ZNF91: variants seen among roughly 807,000 people sequenced by gnomAD.
ZNF91 encodes zinc finger protein 91 (HPF7, HTF10).
A neutral mutation model predicts 12.6 loss-of-function variants in ZNF91; 7 were observed. That is an observed-to-expected ratio of 0.55 (90% CI 0.31 to 1.04). ZNF91 has a LOEUF of 1.04. Ranked by LOEUF, ZNF91 falls within the 50% of genes least tolerant of loss-of-function variation. The pLI is 0.05. For synonymous variants in ZNF91, 453 were observed against 462.6 expected, an observed-to-expected ratio of 0.98 and a Z score of 0.27; for missense variants, 1,217 against 1,385.4, an observed-to-expected ratio of 0.88 and a Z score of 1.93.
intron 1 of ZNF91, among the ~76,000 whole-genome samples, chr19:23,316,668 C>T (rs1048111461): frequency 5.3e-5 from 8 of 152,288 alleles, no homozygotes; most frequent in East Asian, 1.9e-4. Context: ...GTTGCAATAA[C>T]GACTCTCATG....
upstream of ZNF91, among the ~76,000 whole-genome samples, chr19:23,312,815 C>T (rs963066274): frequency 6.6e-6 from 1 of 152,162 alleles, no homozygotes; most frequent in African/African-American, 2.4e-5. Flanking sequence ...TAGGGTGATA[C>T]ATAGGTGAGA....
intron 1 of ZNF91, chr19:23,380,304 A>G: frequency 7.3e-6 from 1 of 136,642 alleles, no homozygotes; most frequent in African/African-American, 2.7e-5. Context: ...AAAAAAAAAG[A>G]GTGAAGCTTG....
intron 1 of ZNF91, among the ~76,000 whole-genome samples, chr19:23,383,610 C>T (rs978147827): frequency 2.6e-5 from 4 of 152,096 alleles, no homozygotes; most frequent in African/African-American, 9.6e-5. Context: ...ATCGCTTGAA[C>T]CCAGAAGGCA....
chr19:23,376,485 G>T (rs1396395480), intron 1 of ZNF91, among the ~76,000 whole-genome samples: 3 of 151,822 alleles, frequency 2.0e-5, no homozygotes, highest in Non-Finnish European at 2.9e-5. Context: ...TGCCTCCCGG[G>T]TTCAAGCAAT....
At chr19:23,305,690 T>C (rs1422420268) in intron 3 of ZNF91, among the ~76,000 whole-genome samples, 1 of 152,224 alleles carries the variant, frequency 6.6e-6, no homozygotes, top group African/African-American at 2.4e-5. Flanking sequence ...TCAATGTCAG[T>C]TAGCTCAGCC....
chr19:23,365,778 C>T (rs1395360244), intron 3 of ZNF91, among the ~76,000 whole-genome samples: 4 of 152,006 alleles, frequency 2.6e-5, no homozygotes, highest in Non-Finnish European at 5.9e-5. Context: ...TCTTAACGAG[C>T]ATGCTGCCTG....
intron 3 of ZNF91, among the ~76,000 whole-genome samples, chr19:23,373,517 C>A (rs1422621909): frequency 2.0e-5 from 3 of 151,838 alleles, no homozygotes; most frequent in African/African-American, 7.3e-5. Flanking sequence ...GAACAGTACT[C>A]TGGCTGTCAC....
chr19:23,382,963 A>G (rs908944139), intron 1 of ZNF91, among the ~76,000 whole-genome samples: 4 of 152,348 alleles, frequency 2.6e-5, no homozygotes, highest in African/African-American at 7.2e-5. Flanking sequence ...ATTTTAAGAA[A>G]TTAAGAAAAA....
chr19:23,360,533 G>A lies in ZNF91; in HGVS notation c.2446C>T (p.His816Tyr). Residue 816 changes from histidine to tyrosine, a missense_variant, in exon 4 of 4, where the codon CAT becomes TAT. His to Tyr is a moderately conservative substitution (Grantham distance 83). This residue lies in a region of ZNF91 where 491 missense variants were observed against 489.8 expected (regional missense o/e 1.00). Coordinates refer to ENST00000300619, the MANE Select transcript of ZNF91 (RefSeq NM_003430.4). ...TTCTCTCCAGTATGAATTGTCTTAT[G>A]CTTAGTAAGGGTTGAGGAACGGCTA... Reference protein sequence around the residue: ...AFSRSSTLTKHKTIHTGEKPY... With the variant: ...AFSRSSTLTKYKTIHTGEKPY... 6.2e-7 allele frequency: 1 copy of A among 1,613,868 alleles called. No homozygotes were observed. Among genetic ancestry groups the A allele is most frequent in the Non-Finnish European group, 8.5e-7 (1 of 1,179,944 alleles).
intron 3 of ZNF91, among the ~76,000 whole-genome samples, chr19:23,341,994 A>G (rs749884207): frequency 9.2e-5 from 14 of 152,210 alleles, no homozygotes; most frequent in Admixed American, 2.6e-4. Flanking sequence ...GGATCCTTAA[A>G]GAATTTAAGG....
At position 23,360,227 on chromosome 19, in the gene ZNF91, C is replaced by T. The variant is rs1347411239; in HGVS notation, c.2752G>A (p.Ala918Thr). The change falls in exon 4 of 4, where the codon GCA (alanine) becomes ACA (threonine). Residue 918 changes from alanine (A) to threonine (T), a missense_variant. Physicochemically the swap from Ala to Thr is moderately conservative, Grantham distance 58 (BLOSUM62 0). Coordinates refer to ENST00000300619, the MANE Select transcript of ZNF91 (RefSeq NM_003430.4). ...KTYKCEECGKAFSQPSHLTTH... is the reference protein window; with the variant it reads ...KTYKCEECGKTFSQPSHLTTH... ...GTAAGGTGTGAAGGCTGGCTAAATG[C>T]TTTGCCACATTCTTCACATTTGTAG... 2 of 1,613,820 alleles carry T rather than the reference C, an allele frequency of 1.2e-6. No individual in the cohort carries two copies. The highest frequency in any genetic ancestry group is 1.7e-6 in the Non-Finnish European group (2 of 1,180,018).
chr19:23,341,696 G>C (rs1228192701), intron 3 of ZNF91, among the ~76,000 whole-genome samples: 1 of 152,038 alleles, frequency 6.6e-6, no homozygotes, highest in Admixed American at 6.6e-5. Context: ...CTCGAAATCT[G>C]TTAGGATTGC....
rs1368614413 is a variant in ZNF91 at position 23,359,261 on chromosome 19, C to T, written c.*142G>A. Reference sequence around the variant, plus strand: ...TTTTTGAGACGGAGTCTCGCTCTGTCGCCCAGGCTTGAGTGCAGTGGCGTG... The same window carrying T: ...TTTTTGAGACGGAGTCTCGCTCTGTTGCCCAGGCTTGAGTGCAGTGGCGTG... On this transcript the variant is annotated 3_prime_UTR_variant, in exon 4 of 4. Coordinates refer to ENST00000300619, the MANE Select transcript of ZNF91 (RefSeq NM_003430.4). 10 of 455,370 alleles carry T rather than the reference C, an allele frequency of 2.2e-5. No individual in the cohort carries two copies. Among genetic ancestry groups the T allele is most frequent in the East Asian group, 1.2e-4 (3 of 24,840 alleles). The allele number at this position is 455,370 out of a possible 1,614,324, so 28.2% of individuals were successfully genotyped here.
At chr19:23,322,592 A>G (rs1018350806) in intron 1 of ZNF91, among the ~76,000 whole-genome samples, 2 of 152,000 alleles carry the variant, frequency 1.3e-5, no homozygotes, top group Non-Finnish European at 2.9e-5. Context: ...TTGAACTTTA[A>G]TCCAAAAGCC....
intron 3 of ZNF91, among the ~76,000 whole-genome samples, chr19:23,366,526 A>AC (rs1401919662): frequency 9.2e-5 from 14 of 152,184 alleles, no homozygotes; most frequent in Non-Finnish European, 1.9e-4. Context: ...TTATTAAAAA[A>AC]CCAAGTTTAT....
Position 23,359,108 on chromosome 19 carries a change from C to A in ZNF91, c.*295G>T. ...CAGAAAAAGGATTTGCCACATTCTTCACATTTGTAGAGTTTTACTCCAGTA... is the reference window on the plus strand; with the variant it reads ...CAGAAAAAGGATTTGCCACATTCTTAACATTTGTAGAGTTTTACTCCAGTA... On this transcript the variant is annotated 3_prime_UTR_variant, in exon 4 of 4. Transcript: ENST00000300619. 2 of 561,836 alleles carry A rather than the reference C, an allele frequency of 3.6e-6. No homozygotes were observed. The highest frequency in any genetic ancestry group is 1.6e-5 in the South Asian group (1 of 63,704). 34.8% of individuals were successfully genotyped at this position (561,836 alleles called of 1,614,324 possible). A position where few individuals can be genotyped will look rare whatever the true frequency, so the allele number is the denominator to read the frequency against.
intron 3 of ZNF91, among the ~76,000 whole-genome samples, chr19:23,349,439 G>A (rs1291191206): frequency 2.0e-5 from 3 of 152,114 alleles, no homozygotes; most frequent in African/African-American, 4.8e-5. Context: ...TGGTTCCCCC[G>A]ATAGCCAAAC....
chr19:23,391,100 G>A (rs992328346), intron 1 of ZNF91, among the ~76,000 whole-genome samples: 3 of 152,154 alleles, frequency 2.0e-5, no homozygotes, highest in Non-Finnish European at 4.4e-5. Context: ...TACAATGGTT[G>A]AATTAATGTA....
intron 1 of ZNF91, among the ~76,000 whole-genome samples, chr19:23,389,931 C>T (rs1002811546): frequency 6.6e-6 from 1 of 152,144 alleles, no homozygotes; most frequent in Non-Finnish European, 1.5e-5. Flanking sequence ...AAACTGGGGA[C>T]TCCCATAATG....
Sources: gnomAD v4.1 joint callset for allele counts (sites outside exome capture counted in the v4.1 genomes callset) on GRCh38, gnomAD v4.1.1 for gene constraint, gnomAD v4.1.1 regional missense constraint, MANE v1.5 for transcripts, NCBI Gene and HGNC (gene_info 2026-07-23, HGNC 2026-07-21) for gene names.